The following PACRG variants were observed in gnomAD, a reference collection of about 807,000 sequenced individuals.
PACRG encodes the protein parkin coregulated gene protein.
Under a neutral mutation model 29.7 loss-of-function variants are expected in PACRG, and 29 were observed. The ratio of observed to expected loss-of-function variants is 0.98; its 90% confidence interval spans 0.73 to 1.33. PACRG has a LOEUF of 1.33. PACRG is among the 40% of genes most tolerant of loss of function. The probability of loss-of-function intolerance (pLI) is 0.00; values close to 1 mark genes in which losing one functional copy is unlikely to be tolerated. For missense variants in PACRG, 279 were observed against 316.2 expected, an observed-to-expected ratio of 0.88 and a Z score of 0.89; for synonymous variants, 116 against 118.7, an observed-to-expected ratio of 0.98 and a Z score of 0.15.
rs1452832995 is a variant in PACRG, at chr6:162,958,212, A to G, written c.292-103938A>G. On this transcript the variant is annotated intron_variant, in intron 2 of 4. Transcript: ENST00000366888. ...GTAGTGCTTTGCAAATCTAGCTGGC[A>G]AAAGGTTTGGAAAACTATGCCAGCC... 2.6e-5 allele frequency among the ~76,000 whole-genome samples: 4 copies of G among 152,336 alleles called. No homozygotes were observed. The East Asian group carries it at 7.7e-4, about 29-fold the overall frequency.
chr6:163,174,307 T>C lies in PACRG; in HGVS notation c.613+84899T>C, dbSNP rs139399342. Among the ~76,000 whole-genome samples the C allele has an allele frequency of 9.2e-3, 1,405 of 152,352 alleles. 21 individuals are homozygous for C. Among genetic ancestry groups the C allele is most frequent in the African/African-American group, 0.032 (1,339 of 41,574 alleles). ...ACATTCAAAGCCATCCTGGGCTGTA[T>C]GCAGCCCATGGGCTGTGGGTTGGAC... On this transcript the variant is annotated intron_variant, in intron 4 of 4. Transcript: ENST00000366888.
At chr6:163,032,872 G>C (rs1328680673) in intron 2 of PACRG, among the ~76,000 whole-genome samples, 1 of 152,132 alleles carries the variant, frequency 6.6e-6, no homozygotes, top group Non-Finnish European at 1.5e-5. Flanking sequence ...TTTTGTGAAA[G>C]AGCAGATCAT....
chr6:162,731,534 C>T (rs1363162415), intron 1 of PACRG, among the ~76,000 whole-genome samples: 1 of 151,910 alleles, frequency 6.6e-6, no homozygotes, highest in Non-Finnish European at 1.5e-5. Flanking sequence ...CATACAAATA[C>T]TACGCCATGT....
chr6:163,236,979 C>T (rs1782265687), intron 4 of PACRG, among the ~76,000 whole-genome samples: 1 of 152,136 alleles, frequency 6.6e-6, no homozygotes, highest in Non-Finnish European at 1.5e-5. Flanking sequence ...AACTCACTAT[C>T]ATGAGAACAG....
At chr6:163,308,633 T>G (rs1785280671) in intron 4 of PACRG, among the ~76,000 whole-genome samples, 1 of 148,780 alleles carries the variant, frequency 6.7e-6, no homozygotes, top group South Asian at 2.1e-4. Context: ...ACCACTACAC[T>G]TCAGCTTGGA....
chr6:162,876,089 T>A (rs1793326353), intron 2 of PACRG, among the ~76,000 whole-genome samples: 1 of 152,086 alleles, frequency 6.6e-6, no homozygotes, highest in South Asian at 2.1e-4. Context: ...GCTTCCCGGG[T>A]ATCACTGTTC....
chr6:163,169,787 G>A (rs1345049609), intron 4 of PACRG, among the ~76,000 whole-genome samples: 1 of 152,214 alleles, frequency 6.6e-6, no homozygotes, highest in Non-Finnish European at 1.5e-5. Context: ...GCCTTCTTCT[G>A]CTCTGGTTGC....
chr6:162,949,302 G>T lies in PACRG; in HGVS notation c.292-112848G>T, dbSNP rs1170837684. ...CCTCATATGTGGGAGCTTAAAAAAT[G>T]TTGGTTTTATGGAGGTAAAGAGTAG... is the stretch of plus-strand genomic sequence containing the variant. On this transcript the variant is annotated intron_variant, in intron 2 of 4. Transcript: ENST00000366888. 4.6e-5 allele frequency among the ~76,000 whole-genome samples: 7 copies of T among 152,258 alleles called. No individual in the cohort carries two copies. In the South Asian group the frequency reaches 1.5e-3, roughly 32 times the overall value.
At chr6:162,961,357 G>T (rs1800601303) in intron 2 of PACRG, among the ~76,000 whole-genome samples, 1 of 152,144 alleles carries the variant, frequency 6.6e-6, no homozygotes, top group East Asian at 1.9e-4. Context: ...TCACTCCAAG[G>T]GTGTCACAGC....
intron 2 of PACRG, chr6:162,891,871 A>C (rs1196107049): frequency 2.0e-5 from 3 of 152,332 alleles, no homozygotes; most frequent in South Asian, 2.1e-4. Context: ...GCCTGAGTTT[A>C]CCTTCATACT....
At chr6:162,892,570 C>T (rs1029130891) in intron 2 of PACRG, among the ~76,000 whole-genome samples, 10 of 152,142 alleles carry the variant, frequency 6.6e-5, no homozygotes, top group Non-Finnish European at 1.0e-4. Flanking sequence ...GAGCCCAGCG[C>T]GTTCTAGTCT....
At chr6:163,295,860 T>C (rs1056443598) in intron 4 of PACRG, among the ~76,000 whole-genome samples, 5 of 152,178 alleles carry the variant, frequency 3.3e-5, no homozygotes, top group African/African-American at 1.2e-4. Context: ...AAGGATTAAA[T>C]GAAGGAGCAT....
chr6:163,268,793 T>C (rs1292428499), intron 4 of PACRG, among the ~76,000 whole-genome samples: 1 of 152,230 alleles, frequency 6.6e-6, no homozygotes, highest in Non-Finnish European at 1.5e-5. Flanking sequence ...CTATCATGTT[T>C]TTCTTTCTTT....
chr6:162,917,353 C>T lies in PACRG; in HGVS notation c.291+103072C>T, dbSNP rs141082402. 1.4e-4 allele frequency among the ~76,000 whole-genome samples: 21 copies of T among 152,232 alleles called. No individual in the cohort carries two copies. In the East Asian group the frequency reaches 3.9e-3, roughly 28 times the overall value. On this transcript the variant is annotated intron_variant, in intron 2 of 4. Coordinates refer to ENST00000366888, the MANE Select transcript of PACRG (RefSeq NM_001080379.2). ...CCATCCTTAGTGCATTTTGCCACCA[C>T]CAATCTCTAACTCTGTCTAAAATTT...
chr6:163,225,017 A>G (rs983682442), intron 4 of PACRG, among the ~76,000 whole-genome samples: 3 of 152,226 alleles, frequency 2.0e-5, no homozygotes, highest in African/African-American at 7.2e-5. Context: ...AAATAACCCA[A>G]TTTAAAAATG....
chr6:162,749,545 G>T (rs1781356223), intron 1 of PACRG, among the ~76,000 whole-genome samples: 1 of 151,986 alleles, frequency 6.6e-6, no homozygotes, highest in East Asian at 1.9e-4. Context: ...TTTTGAGACG[G>T]GGTCTTGCTC....
intron 1 of PACRG, among the ~76,000 whole-genome samples, chr6:162,786,089 C>A (rs536758346): frequency 6.6e-6 from 1 of 152,186 alleles, no homozygotes; most frequent in African/African-American, 2.4e-5. Flanking sequence ...TGTCCTGTTC[C>A]ACCATAGTGT....
At chr6:162,775,558 A>G (rs1186325774) in intron 1 of PACRG, among the ~76,000 whole-genome samples, 1 of 152,186 alleles carries the variant, frequency 6.6e-6, no homozygotes, top group Non-Finnish European at 1.5e-5. Flanking sequence ...TTTGTCTGAA[A>G]TGCTTATAAT....
chr6:162,919,796 T>C (rs1796940987), intron 2 of PACRG, among the ~76,000 whole-genome samples: 1 of 152,232 alleles, frequency 6.6e-6, no homozygotes, highest in African/African-American at 2.4e-5. Context: ...TTAAAATTCA[T>C]TTAAAATGAT....
Sources: gnomAD v4.1 joint callset for allele counts (sites outside exome capture counted in the v4.1 genomes callset) on GRCh38, gnomAD v4.1.1 for gene constraint, MANE v1.5 for transcripts, NCBI Gene and HGNC (gene_info 2026-07-23, HGNC 2026-07-21) for gene names.